The following UGT2A1 variants were observed in gnomAD, a reference collection of about 807,000 sequenced individuals.
UGT2A1 encodes the protein UDP glucuronosyltransferase family 2 member A1 complex locus.
Under a neutral mutation model 45.4 loss-of-function variants are expected in UGT2A1, and 61 were observed. That is an observed-to-expected ratio of 1.34 (90% CI 1.09 to 1.66). UGT2A1 has a LOEUF of 1.66. UGT2A1 is among the 40% of genes most tolerant of loss of function. The pLI is 0.00. For synonymous variants in UGT2A1, 229 were observed against 196.2 expected (o/e 1.17, Z -1.40); for missense variants, 649 against 574.3 (o/e 1.13, Z -1.33).
intron 4 of UGT2A1, chr4:69,596,434 TAA>T: frequency 7.0e-7 from 1 of 1,422,428 alleles, no homozygotes; most frequent in Non-Finnish European, 9.3e-7. Context: ...TAAGAAAAAA[TAA>T]GTTTACTTAC....
chr4:69,619,207 G>C (rs550625157), intron 3 of UGT2A1, among the ~76,000 whole-genome samples: 2 of 151,880 alleles, frequency 1.3e-5, no homozygotes, highest in South Asian at 4.2e-4. Flanking sequence ...AGATCAGCCT[G>C]AGCAACACAG....
rs544364003 is a variant in UGT2A1, at chr4:69,595,727, A to C, written c.997-478T>G. Among the ~76,000 whole-genome samples, 49 of 152,334 alleles carry C rather than the reference A, an allele frequency of 3.2e-4. 1 individual carries two copies. In the South Asian group the frequency reaches 0.01, roughly 32 times the overall value. ...AAATTGCATGTTGTTGGACTATAAT[A>C]TTTGAATTTTAATTGTTTTTAGCTA... On this transcript the variant is annotated intron_variant, in intron 4 of 6. Coordinates refer to ENST00000286604, the MANE Select transcript of UGT2A1 (RefSeq NM_001252275.3).
chr4:69,610,399 T>C (rs987289604), intron 3 of UGT2A1, among the ~76,000 whole-genome samples: 3 of 152,162 alleles, frequency 2.0e-5, no homozygotes, highest in South Asian at 2.1e-4. Context: ...TCTTGACTTG[T>C]AACTGTTAGG....
At chr4:69,621,574 A>G (rs1204267062) in intron 3 of UGT2A1, among the ~76,000 whole-genome samples, 1 of 151,838 alleles carries the variant, frequency 6.6e-6, no homozygotes, top group African/African-American at 2.4e-5. Context: ...TAGTTCACCC[A>G]TTGTGGAAAG....
rs891957762 is a variant in UGT2A1, at chr4:69,608,362, T to C, written c.848-8968A>G. Among the ~76,000 whole-genome samples the C allele has an allele frequency of 4.3e-5, 6 of 140,518 alleles. No homozygotes were observed. In the Admixed American group the frequency reaches 4.9e-4, roughly 12 times the overall value. The allele number at this position is 140,518 out of a possible 152,430, so 92.2% of individuals were successfully genotyped here. ...GCATGTTCTCACTCATAGGAGGGAA[T>C]TGAACAATGAGAACATATGGACACA... On this transcript the variant is annotated intron_variant, in intron 3 of 6. Transcript: ENST00000286604.
At chr4:69,591,165 G>T (rs1267019565) in intron 6 of UGT2A1, among the ~76,000 whole-genome samples, 1 of 152,090 alleles carries the variant, frequency 6.6e-6, no homozygotes, top group Non-Finnish European at 1.5e-5. Flanking sequence ...AATATTTGAA[G>T]ATATTTATTT....
At chr4:69,639,308 G>A in intron 2 of UGT2A1, 1 of 1,613,744 alleles carries the variant, frequency 6.2e-7, no homozygotes, top group Non-Finnish European at 8.5e-7. Context: ...CCCATATTGT[G>A]AGAGGAGTTG....
chr4:69,650,565 CAT>C (rs370196789), intron 1 of UGT2A1, among the ~76,000 whole-genome samples: 36 of 151,834 alleles, frequency 2.4e-4, no homozygotes, highest in African/African-American at 6.8e-4. Context: ...AAATAAACAA[CAT>C]ATCTGTTAAT....
At chr4:69,636,647 T>C (rs891108821) in intron 2 of UGT2A1, among the ~76,000 whole-genome samples, 3 of 152,140 alleles carry the variant, frequency 2.0e-5, no homozygotes, top group African/African-American at 7.2e-5. Flanking sequence ...CCAGAAACCA[T>C]TTATTTTTTG....
chr4:69,624,157 A>T (rs147395061), intron 3 of UGT2A1, among the ~76,000 whole-genome samples: 168 of 151,638 alleles, frequency 1.1e-3, no homozygotes, highest in African/African-American at 4.0e-3. Context: ...CTTTACGTTG[A>T]TCCTCTTAGG....
At chr4:69,607,667 T>C (rs1719736031) in intron 3 of UGT2A1, among the ~76,000 whole-genome samples, 2 of 152,068 alleles carry the variant, frequency 1.3e-5, no homozygotes, top group Admixed American at 6.6e-5. Flanking sequence ...TGCAATCTAC[T>C]CATCTGACAA....
chr4:69,619,528 ACT>A (rs1720616937), intron 3 of UGT2A1, among the ~76,000 whole-genome samples: 1 of 151,914 alleles, frequency 6.6e-6, no homozygotes, highest in African/African-American at 2.4e-5. Flanking sequence ...GTTAAAGAAG[ACT>A]CTAAAAATAA....
chr4:69,639,637 C>T lies in UGT2A1; in HGVS notation c.716-3815G>A, dbSNP rs115793531. ...GGCATGGTAAAATCCCTTATGGAAACCATCCTACTGTAGATCCTTCAAGAT... is the reference window on the plus strand; with the variant it reads ...GGCATGGTAAAATCCCTTATGGAAATCATCCTACTGTAGATCCTTCAAGAT... On this transcript the variant is annotated intron_variant, in intron 2 of 6. Coordinates refer to ENST00000286604, the MANE Select transcript of UGT2A1 (RefSeq NM_001252275.3). 1.5e-3 allele frequency: 2,435 copies of T among 1,573,144 alleles called. 47 individuals carry two copies. The African/African-American group carries it at 0.03, about 20-fold the overall frequency.
intron 3 of UGT2A1, among the ~76,000 whole-genome samples, chr4:69,601,597 C>G (rs1289232382): frequency 6.6e-6 from 1 of 152,110 alleles, no homozygotes; most frequent in Non-Finnish European, 1.5e-5. Context: ...TTTGGGTAAC[C>G]AGGAGGTCCT....
intron 2 of UGT2A1, among the ~76,000 whole-genome samples, chr4:69,645,482 G>A (rs4148282): frequency 0.036 from 5,389 of 151,780 alleles, 112 homozygotes; most frequent in East Asian, 0.069. Flanking sequence ...ACTGCTATGT[G>A]GATGTTGCCT....
chr4:69,638,228 A>G (rs966840502), intron 2 of UGT2A1, among the ~76,000 whole-genome samples: 10 of 152,152 alleles, frequency 6.6e-5, no homozygotes, highest in African/African-American at 2.4e-4. Flanking sequence ...AGAGAAGGAA[A>G]TAAAAATATA....
chr4:69,647,458 G>A lies in UGT2A1; in HGVS notation c.187C>T (p.Pro63Ser), dbSNP rs753295491. ...AATGTCAGAGATGGGTTAGAGGTTG[G>A]TGTGATGAAAAGTGCACCAGAGGCA... is the stretch of plus-strand genomic sequence containing the variant. ...LVASGALFIT[P>S]TSNPSLTFEI... Residue 63 changes from proline (P) to serine (S), a missense_variant, in exon 2 of 7, where the codon CCA becomes TCA. Transcript: ENST00000286604. The A allele has an allele frequency of 1.2e-6, 2 of 1,613,036 alleles. No individual in the cohort carries two copies. Among genetic ancestry groups the A allele is most frequent in the Admixed American group, 1.7e-5 (1 of 59,890 alleles).
Position 69,647,105 on chromosome 4 carries a change from T to C in UGT2A1, c.540A>G (p.Glu180=), listed in dbSNP as rs746258949. The stretch of plus-strand genomic sequence containing the variant: ...GGTATGGTACCTTCCCACAGTGCTT[T>C]TCCACTGTTGAGGCTGGAGAAAACC... ...SLRFSPASTV[E]KHCGKVPYPP... is the part of the protein sequence containing the mutation. The change falls in exon 2 of 7, where the codon GAA becomes GAG. Residue 180 remains glutamate, a synonymous_variant. Coordinates refer to ENST00000286604, the MANE Select transcript of UGT2A1 (RefSeq NM_001252275.3). The C allele has an allele frequency of 6.2e-7, 1 of 1,612,890 alleles. No homozygotes were observed. The highest frequency in any genetic ancestry group is 8.5e-7 in the Non-Finnish European group (1 of 1,179,304).
intron 2 of UGT2A1, among the ~76,000 whole-genome samples, chr4:69,645,160 A>G (rs1396545392): frequency 6.6e-6 from 1 of 151,740 alleles, no homozygotes; most frequent in Non-Finnish European, 1.5e-5. Context: ...CTTTGTTATC[A>G]GTAACGAATG....
Sources: gnomAD v4.1 joint callset for allele counts (sites outside exome capture counted in the v4.1 genomes callset) on GRCh38, gnomAD v4.1.1 for gene constraint, MANE v1.5 for transcripts, NCBI Gene and HGNC (gene_info 2026-07-23, HGNC 2026-07-21) for gene names.